Variants in OSBPL10 observed in about 807,000 individuals in gnomAD.
OSBPL10 encodes oxysterol binding protein like 10.
In OSBPL10, 49 loss-of-function variants were observed where a neutral mutation model predicts 81.7. The ratio of observed to expected loss-of-function variants is 0.60; its 90% CI spans 0.48 to 0.76. The LOEUF (loss-of-function observed/expected upper bound fraction) is 0.76. OSBPL10 is among the 30% of genes least tolerant of loss of function. The pLI, the probability that OSBPL10 is intolerant of heterozygous loss-of-function variation, is 0.00. For synonymous variants in OSBPL10, 419 were observed against 383.6 expected (o/e 1.09, Z -1.08); for missense variants, 923 against 987.8 (o/e 0.93, Z 0.88).
chr3:31,895,628 T>C (rs1301022462), intron 1 of OSBPL10, among the ~76,000 whole-genome samples: 4 of 152,174 alleles, frequency 2.6e-5, no homozygotes, highest in Non-Finnish European at 4.4e-5. Flanking sequence ...ACACAATTCC[T>C]AACTGATAAT....
chr3:31,852,608 C>T (rs1407198827), intron 3 of OSBPL10, among the ~76,000 whole-genome samples: 1 of 151,592 alleles, frequency 6.6e-6, no homozygotes, highest in Non-Finnish European at 1.5e-5. Flanking sequence ...GACAGGGTTT[C>T]GCTCCCGTCA....
At chr3:31,839,761 G>T (rs1203276131) in intron 3 of OSBPL10, among the ~76,000 whole-genome samples, 1 of 151,266 alleles carries the variant, frequency 6.6e-6, no homozygotes, top group Non-Finnish European at 1.5e-5. Flanking sequence ...GAGCAATATG[G>T]AGTTGAGGTC....
intron 1 of OSBPL10, among the ~76,000 whole-genome samples, chr3:31,911,975 G>A (rs1384068175): frequency 6.6e-6 from 1 of 152,042 alleles, no homozygotes; most frequent in Non-Finnish European, 1.5e-5. Flanking sequence ...GATTAAAAAT[G>A]GTAATTTTGA....
chr3:31,791,655 T>C lies in OSBPL10; in HGVS notation c.729+38385A>G, dbSNP rs553820654. ...ACTTAAAGAGGTTTTTGTTTTTTTT[T>C]TCCACAAAGCTTTACTAAGCTGTGT... On this transcript the variant is annotated intron_variant, in intron 4 of 11. Coordinates refer to ENST00000396556, the MANE Select transcript of OSBPL10 (RefSeq NM_017784.5). Among the ~76,000 whole-genome samples the C allele has an allele frequency of 2.6e-5, 4 of 152,218 alleles. No individual in the cohort carries two copies. In the South Asian group the frequency reaches 8.3e-4, roughly 32 times the overall value.
At chr3:31,848,987 A>G (rs576845979) in intron 3 of OSBPL10, among the ~76,000 whole-genome samples, 1 of 152,278 alleles carries the variant, frequency 6.6e-6, no homozygotes, top group East Asian at 1.9e-4. Context: ...GGCTCTTTCC[A>G]CCTGAATCTG....
intron 7 of OSBPL10, among the ~76,000 whole-genome samples, chr3:31,685,921 G>C (rs906580357): frequency 1.3e-5 from 2 of 152,196 alleles, no homozygotes; most frequent in Non-Finnish European, 2.9e-5. Flanking sequence ...GCAGTGTTAG[G>C]AAGTGGGGAC....
intron 2 of OSBPL10, among the ~76,000 whole-genome samples, chr3:32,037,160 C>T (rs1181936647): frequency 1.3e-5 from 2 of 152,194 alleles, no homozygotes; most frequent in Non-Finnish European, 2.9e-5. Context: ...AGCTCCCCTA[C>T]GTACCCCGTG....
chr3:31,766,090 A>C (rs1274683659), intron 4 of OSBPL10, among the ~76,000 whole-genome samples: 1 of 152,144 alleles, frequency 6.6e-6, no homozygotes, highest in African/African-American at 2.4e-5. Context: ...AAAGCCCAGC[A>C]GAGCCGCTGG....
chr3:31,989,170 A>G (rs200509073), intron 2 of OSBPL10: 913 of 1,614,152 alleles, frequency 5.7e-4, no homozygotes, highest in Non-Finnish European at 7.1e-4. Flanking sequence ...GGATGTGGCT[A>G]TAGAATTCTC....
intron 8 of OSBPL10, among the ~76,000 whole-genome samples, chr3:31,675,671 C>G (rs928157975): frequency 6.6e-6 from 1 of 152,168 alleles, no homozygotes; most frequent in Non-Finnish European, 1.5e-5. Context: ...CAGGGCCAGG[C>G]GCAGTGGCTC....
At chr3:31,748,894 T>C (rs766940854) in intron 4 of OSBPL10, among the ~76,000 whole-genome samples, 3 of 152,186 alleles carry the variant, frequency 2.0e-5, no homozygotes, top group Non-Finnish European at 4.4e-5. Flanking sequence ...AGGACTTTAA[T>C]GGTTATCTTG....
At chr3:31,930,518 T>A (rs1334259768) in intron 1 of OSBPL10, among the ~76,000 whole-genome samples, 2 of 152,210 alleles carry the variant, frequency 1.3e-5, no homozygotes, top group Non-Finnish European at 2.9e-5. Context: ...GTACAGGTAT[T>A]GCAATGTAGA....
At position 31,860,858 on chromosome 3, in the gene OSBPL10, T is replaced by G. The variant is rs577257399; in HGVS notation, c.537+15575A>C. ...CTAATTTTTGTGGGGTTTTTTGGGG[T>G]TTTTTTTTTTGGGTTTTTTTTTTTG... is the stretch of plus-strand genomic sequence containing the variant. On this transcript the variant is annotated intron_variant, in intron 3 of 11. Coordinates refer to ENST00000396556, the MANE Select transcript of OSBPL10 (RefSeq NM_017784.5). Among the ~76,000 whole-genome samples, 579 of 75,566 alleles carry G rather than the reference T, an allele frequency of 7.7e-3. 10 individuals are homozygous for G. Among genetic ancestry groups the G allele is most frequent in the African/African-American group, 0.052 (352 of 6,754 alleles). The allele number at this position is 75,566 out of a possible 152,430, so 49.6% of individuals were successfully genotyped here.
intron 2 of OSBPL10, among the ~76,000 whole-genome samples, chr3:32,027,654 C>T (rs758380973): frequency 1.3e-5 from 2 of 152,050 alleles, no homozygotes; most frequent in Non-Finnish European, 2.9e-5. Flanking sequence ...TTTATTTTAA[C>T]AGACAGGGTC....
At chr3:31,669,807 T>C (rs2125510371) in intron 9 of OSBPL10, among the ~76,000 whole-genome samples, 1 of 152,262 alleles carries the variant, frequency 6.6e-6, no homozygotes, top group East Asian at 1.9e-4. Context: ...AAGGCCCAGC[T>C]CAGGCTGAAT....
In OSBPL10 at chr3:32,016,310, G is replaced by T. The variant is rs541765165; in HGVS notation, n.298+30181C>A. On this transcript the variant is annotated intron_variant and non_coding_transcript_variant, in intron 2 of 3. Coordinates refer to the OSBPL10 transcript ENST00000479173. ...TGTCCTTTGCAGGGACATGGATGAA[G>T]CTGGAAACCATCATTCTCAGCAAAC... Among the ~76,000 whole-genome samples the T allele has an allele frequency of 3.1e-4, 47 of 152,238 alleles. No homozygotes were observed. In the South Asian group the frequency reaches 9.7e-3, roughly 32 times the overall value.
At chr3:31,870,106 C>CA in intron 3 of OSBPL10, among the ~76,000 whole-genome samples, 1 of 152,236 alleles carries the variant, frequency 6.6e-6, no homozygotes, top group Non-Finnish European at 1.5e-5. Flanking sequence ...CCTCAGCTTG[C>CA]AGGGAGGTGT....
intron 1 of OSBPL10, among the ~76,000 whole-genome samples, chr3:31,974,668 A>G (rs1698646643): frequency 6.6e-6 from 1 of 152,208 alleles, no homozygotes; most frequent in Admixed American, 6.5e-5. Context: ...ACACAGTTCA[A>G]AAGGAGACCA....
chr3:31,966,510 G>C (rs1329662820), intron 1 of OSBPL10, among the ~76,000 whole-genome samples: 2 of 151,726 alleles, frequency 1.3e-5, no homozygotes, highest in Admixed American at 6.6e-5. Context: ...TTGATTCTTA[G>C]AAAAGATCAA....
Sources: gnomAD v4.1 joint callset for allele counts (sites outside exome capture counted in the v4.1 genomes callset) on GRCh38, gnomAD v4.1.1 for gene constraint, MANE v1.5 for transcripts, NCBI Gene and HGNC (gene_info 2026-07-23, HGNC 2026-07-21) for gene names.